UPRT: variants seen among roughly 807,000 people sequenced by gnomAD.
The protein encoded by UPRT is uracil phosphoribosyltransferase homolog.
Under a neutral mutation model 22.6 loss-of-function variants are expected in UPRT, and 5 were observed. The ratio of observed to expected loss-of-function variants is 0.22; its 90% CI spans 0.12 to 0.47. UPRT has a LOEUF of 0.47. Ranked by LOEUF, UPRT falls within the 20% of genes least tolerant of loss-of-function variation. UPRT has a pLI of 0.99. For missense variants in UPRT, 181 were observed against 239.9 expected (o/e 0.75, Z 1.62); for synonymous variants, 77 against 87.7 (o/e 0.88, Z 0.68).
At chrX:75,266,917 T>C (rs767704156) in intron 4 of UPRT, among the ~76,000 whole-genome samples, 38 of 111,340 alleles carry the variant, frequency 3.4e-4, no homozygotes, top group African/African-American at 1.2e-3. Context: ...AGAATGGCGA[T>C]CATTAAAAAG....
At chrX:75,175,439 G>A (rs930570477) in intron 4 of UPRT, among the ~76,000 whole-genome samples, 3 of 112,221 alleles carry the variant, frequency 2.7e-5, no homozygotes, top group East Asian at 2.8e-4. Flanking sequence ...GGATGGTAAC[G>A]GATCTTGAGG....
chrX:75,277,296 G>A (rs781653932), intron 1 of UPRT, among the ~76,000 whole-genome samples: 1 of 111,061 alleles, frequency 9.0e-6, no homozygotes, highest in Non-Finnish European at 1.9e-5. Context: ...TTGCTATAGC[G>A]CTTGGAGAGG....
At chrX:75,186,672 C>A (rs1393074225) in intron 4 of UPRT, among the ~76,000 whole-genome samples, 1 of 102,449 alleles carries the variant, frequency 9.8e-6, no homozygotes, top group Non-Finnish European at 2.0e-5. Flanking sequence ...ACTTTGTAGG[C>A]CACTAAGGAC....
At chrX:75,263,126 A>T (rs1228136832) in intron 4 of UPRT, among the ~76,000 whole-genome samples, 1 of 112,112 alleles carries the variant, frequency 8.9e-6, no homozygotes, top group African/African-American at 3.2e-5. Context: ...CAGTGCAATC[A>T]AATTAGAACT....
chrX:75,217,499 T>A (rs1311512181), intron 4 of UPRT, among the ~76,000 whole-genome samples: 3 of 111,601 alleles, frequency 2.7e-5, no homozygotes, highest in Non-Finnish European at 5.6e-5. Flanking sequence ...GGTTTGTAGT[T>A]CTCCTTGAAG....
At chrX:75,274,060 C>T (rs1192646607), upstream of UPRT, 4 of 502,526 alleles carry the variant, frequency 8.0e-6, no homozygotes, top group Non-Finnish European at 1.2e-5. Flanking sequence ...GCAGGCAGTA[C>T]GTCTGGTGTG....
upstream of UPRT, among the ~76,000 whole-genome samples, chrX:75,271,382 T>C (rs985945510): frequency 1.8e-5 from 2 of 111,029 alleles, no homozygotes; most frequent in Non-Finnish European, 3.8e-5. Flanking sequence ...CAAACAAAAA[T>C]ATAAAGTGGG....
chrX:75,213,731 TAA>T (rs1024088059), intron 4 of UPRT, among the ~76,000 whole-genome samples: 1 of 111,313 alleles, frequency 9.0e-6, no homozygotes, highest in African/African-American at 3.3e-5. Flanking sequence ...AGTATCAGGA[TAA>T]AGAGGTTTAC....
At chrX:75,161,766 C>A (rs1323142662) in intron 2 of UPRT, among the ~76,000 whole-genome samples, 2 of 111,841 alleles carry the variant, frequency 1.8e-5, no homozygotes, top group Non-Finnish European at 1.9e-5. Context: ...ACAGCGGAGT[C>A]AAAACTCAAA....
rs1198790220 is a variant in UPRT at position 75,210,688 on chromosome X, G to A, written c.-447+42809G>A. ...TGGTGGGAGGGGGACCGAGGGAGGG[G>A]GATTGTTTGCCAGGTTGAAATTAGA... On this transcript the variant is annotated intron_variant, in intron 4 of 13. Coordinates refer to the UPRT transcript ENST00000652605. Among the ~76,000 whole-genome samples the A allele has an allele frequency of 2.8e-5, 3 of 107,356 alleles. No homozygotes were observed. In the Admixed American group the frequency reaches 3.0e-4, roughly 11 times the overall value. The allele number at this position is 107,356 out of a possible 115,157, so 93.2% of individuals were successfully genotyped here.
chrX:75,186,853 T>G lies in UPRT; in HGVS notation c.-447+18974T>G, dbSNP rs1471904308. 4.5e-5 allele frequency among the ~76,000 whole-genome samples: 5 copies of G among 111,648 alleles called. No homozygotes were observed. In the East Asian group the frequency reaches 1.4e-3, roughly 31 times the overall value. On this transcript the variant is annotated intron_variant, in intron 4 of 13. Transcript: ENST00000652605. The stretch of plus-strand genomic sequence containing the variant: ...GAGACTAGGATTGCAACCCCTGTCT[T>G]TTTTTGTTTTCCATTTGCTTGGTAG...
chrX:75,198,810 C>T (rs954954390), intron 4 of UPRT, among the ~76,000 whole-genome samples: 3 of 111,364 alleles, frequency 2.7e-5, no homozygotes, highest in Non-Finnish European at 3.8e-5. Context: ...ACCAATGCCA[C>T]CCCAACCCCA....
At chrX:75,201,451 G>A (rs770419159) in intron 4 of UPRT, 2 of 125,089 alleles carry the variant, frequency 1.6e-5, no homozygotes, top group South Asian at 5.6e-4. Context: ...ATAGTGCCTG[G>A]AACATTGAGG....
intron 4 of UPRT, among the ~76,000 whole-genome samples, chrX:75,258,362 A>T (rs755705852): frequency 4.5e-4 from 50 of 110,310 alleles, no homozygotes; most frequent in Non-Finnish European, 3.8e-4. Context: ...CAGCAAGCTA[A>T]GATCCACTGG....
intron 1 of UPRT, among the ~76,000 whole-genome samples, chrX:75,282,239 T>A (rs988158266): frequency 0.018 from 2,036 of 111,026 alleles, 55 homozygotes; most frequent in African/African-American, 0.063. Flanking sequence ...TCTTATATTT[T>A]TTTTTTTGCT....
chrX:75,287,908 C>A (rs1379190575), intron 1 of UPRT, among the ~76,000 whole-genome samples: 1 of 110,729 alleles, frequency 9.0e-6, no homozygotes, highest in Non-Finnish European at 1.9e-5. Flanking sequence ...AAAGGATAAA[C>A]AAAATCGATA....
At chrX:75,227,515 C>T (rs2082426845) in intron 4 of UPRT, among the ~76,000 whole-genome samples, 1 of 111,329 alleles carries the variant, frequency 9.0e-6, no homozygotes, top group Non-Finnish European at 1.9e-5. Context: ...AACCTGAGGC[C>T]CAGAGAGGGG....
intron 4 of UPRT, among the ~76,000 whole-genome samples, chrX:75,232,276 C>T (rs1447756589): frequency 2.7e-5 from 3 of 112,670 alleles, no homozygotes; most frequent in African/African-American, 9.7e-5. Context: ...CCGCACATGG[C>T]TCGGAGGGTC....
intron 4 of UPRT, among the ~76,000 whole-genome samples, chrX:75,254,538 A>C (rs942397968): frequency 4.5e-4 from 50 of 111,925 alleles, no homozygotes; most frequent in African/African-American, 1.6e-3. Flanking sequence ...TATGTCAAAC[A>C]ACCAAACCTA....
Sources: allele counts gnomAD v4.1 joint callset (sites outside exome capture counted in the v4.1 genomes callset), GRCh38; gene constraint gnomAD v4.1.1; transcripts MANE v1.5; gene names NCBI Gene and HGNC (gene_info 2026-07-23, HGNC 2026-07-21).